The following PTPRN2 variants were observed in gnomAD, a reference collection of about 807,000 sequenced individuals.
PTPRN2 encodes protein tyrosine phosphatase receptor type N2.
A neutral mutation model predicts 118.8 loss-of-function variants in PTPRN2; 74 were observed. The observed-to-expected ratio is 0.62, with a 90% CI of 0.52 to 0.76. PTPRN2 has a LOEUF of 0.76. PTPRN2 is among the 30% of genes least tolerant of loss of function. The probability of loss-of-function intolerance (pLI) is 0.00; values close to 1 mark genes in which losing one functional copy is unlikely to be tolerated. For synonymous variants in PTPRN2, 641 were observed against 608.0 expected, an observed-to-expected ratio of 1.05 and a Z score of -0.80; for missense variants, 1,481 against 1,394.4, an observed-to-expected ratio of 1.06 and a Z score of -0.99.
chr7:157,705,034 G>A (rs544981527), intron 12 of PTPRN2, among the ~76,000 whole-genome samples: 32 of 152,330 alleles, frequency 2.1e-4, no homozygotes, highest in African/African-American at 7.5e-4. Flanking sequence ...TTGGCCGGGC[G>A]TGGTGGCTCA....
At chr7:157,819,970 G>A (rs1469614056) in intron 12 of PTPRN2, among the ~76,000 whole-genome samples, 1 of 148,188 alleles carries the variant, frequency 6.7e-6, no homozygotes, top group Non-Finnish European at 1.5e-5. Context: ...ACCCAAACAC[G>A]TTCACACGCA....
intron 11 of PTPRN2, among the ~76,000 whole-genome samples, chr7:158,071,735 G>A (rs1373918674): frequency 1.4e-5 from 2 of 138,938 alleles, no homozygotes; most frequent in Admixed American, 7.1e-5. Flanking sequence ...TGCTCGTGGT[G>A]GTGGAGGTGC....
intron 12 of PTPRN2, among the ~76,000 whole-genome samples, chr7:157,800,930 C>T (rs981291421): frequency 2.2e-4 from 34 of 151,170 alleles, no homozygotes; most frequent in Non-Finnish European, 4.0e-4. Flanking sequence ...CCAGCCTGGG[C>T]AACAGAGAGA....
At chr7:157,800,112 C>G (rs78307944) in intron 12 of PTPRN2, among the ~76,000 whole-genome samples, 5,856 of 149,796 alleles carry the variant, frequency 0.039, 378 homozygotes, top group African/African-American at 0.13. Context: ...GCACCACAGG[C>G]GGCCTCCTCC....
intron 3 of PTPRN2, among the ~76,000 whole-genome samples, chr7:158,208,502 T>G (rs998931494): frequency 6.6e-6 from 1 of 150,764 alleles, no homozygotes; most frequent in Admixed American, 6.6e-5. Context: ...GGGATTGTTA[T>G]TTAAAGTGTT....
chr7:157,757,483 C>T (rs947739785), intron 12 of PTPRN2, among the ~76,000 whole-genome samples: 4 of 152,054 alleles, frequency 2.6e-5, no homozygotes, highest in Non-Finnish European at 5.9e-5. Context: ...CGGGCAGGGC[C>T]GGGGCAACTG....
Position 157,845,048 on chromosome 7 carries a change from G to T in PTPRN2, c.1788+53625C>A, listed in dbSNP as rs1808701062. Among the ~76,000 whole-genome samples the T allele has an allele frequency of 6.6e-6, 1 of 152,134 alleles. No homozygotes were observed. Among genetic ancestry groups the T allele is most frequent in the Admixed American group, 6.5e-5 (1 of 15,268 alleles). ...ACACCTGCCTTATCTTCCAGGGTTTGCCCTTGGTGTAGAGATAGACAAAGG... is the reference window on the plus strand; with the variant it reads ...ACACCTGCCTTATCTTCCAGGGTTTTCCCTTGGTGTAGAGATAGACAAAGG... On this transcript the variant is annotated intron_variant, in intron 12 of 22. Coordinates refer to ENST00000389418, the MANE Select transcript of PTPRN2 (RefSeq NM_002847.5). The surrounding 1 kb of genome is among the most constrained non-coding windows in gnomAD (Gnocchi z 4.5).
intron 11 of PTPRN2, among the ~76,000 whole-genome samples, chr7:157,942,244 T>TCCACACGCACAGGGGTCC (rs1342861620): frequency 6.6e-6 from 1 of 150,676 alleles, no homozygotes; most frequent in Non-Finnish European, 1.5e-5. Context: ...CGGCACGCCT[T>TCCACACGCACAGGGGTCC]TCCAGAGGAG....
rs1826177736 is a variant in PTPRN2, at chr7:158,544,620, A to G, written c.112+42938T>C. Among the ~76,000 whole-genome samples, 1 of 152,120 alleles carries G rather than the reference A, an allele frequency of 6.6e-6. No individual in the cohort carries two copies. Among genetic ancestry groups the G allele is most frequent in the Non-Finnish European group, 1.5e-5 (1 of 68,014 alleles). ...ACCATTGTACTCCAGCCTGGGCAAC[A>G]AGAACCAAACTCTGTCTCAAAAAAA... On this transcript the variant is annotated intron_variant, in intron 1 of 22. Transcript: ENST00000389418. The surrounding 1 kb of genome is among the most constrained non-coding windows in gnomAD (Gnocchi z 4.2).
At chr7:157,593,718 C>T (rs1801128444) in intron 17 of PTPRN2, among the ~76,000 whole-genome samples, 1 of 152,142 alleles carries the variant, frequency 6.6e-6, no homozygotes, top group African/African-American at 2.4e-5. Context: ...CAGGTGTGTG[C>T]CATGCAAAGA....
chr7:157,545,805 G>A (rs1368165748), intron 22 of PTPRN2, among the ~76,000 whole-genome samples: 1 of 152,104 alleles, frequency 6.6e-6, no homozygotes, highest in Non-Finnish European at 1.5e-5. Flanking sequence ...CACCCTCGAC[G>A]GCTCGCTCTT....
chr7:158,552,253 C>G (rs1826705017), intron 1 of PTPRN2, among the ~76,000 whole-genome samples: 1 of 151,190 alleles, frequency 6.6e-6, no homozygotes, highest in Non-Finnish European at 1.5e-5. Flanking sequence ...TAACCCATTG[C>G]ATCAAGGTGG....
At chr7:157,853,958 C>T (rs1277008793) in intron 12 of PTPRN2, among the ~76,000 whole-genome samples, 1 of 152,170 alleles carries the variant, frequency 6.6e-6, no homozygotes, top group Non-Finnish European at 1.5e-5. Context: ...CGCGTGAAGA[C>T]GGAGACGGCA....
Position 158,188,507 on chromosome 7 carries a change from G to GT in PTPRN2, c.549+3819_549+3820insA, listed in dbSNP as rs569174338. ...GGGAAGGCCGCCACGCTCGCCCCCT[G>GT]ATGGGGAAGGCCGCCACGCTCGCCG... On this transcript the variant is annotated intron_variant, in intron 5 of 22. Transcript: ENST00000389418. Among the ~76,000 whole-genome samples, 4 of 35,996 alleles carry GT rather than the reference G, an allele frequency of 1.1e-4. 1 individual carries two copies. The highest frequency in any genetic ancestry group is 3.5e-4 in the African/African-American group (3 of 8,556). 23.6% of individuals were successfully genotyped at this position (35,996 alleles called of 152,430 possible).
At chr7:158,222,656 C>A (rs1244521608) in intron 3 of PTPRN2, among the ~76,000 whole-genome samples, 1 of 152,092 alleles carries the variant, frequency 6.6e-6, no homozygotes, top group African/African-American at 2.4e-5. Flanking sequence ...TGTTATCACA[C>A]CAAACTGTAA....
At position 157,622,453 on chromosome 7, in the gene PTPRN2, C is replaced by T. The variant is rs1024293966; in HGVS notation, c.2197-944G>A. 3.9e-5 allele frequency among the ~76,000 whole-genome samples: 6 copies of T among 152,124 alleles called. No homozygotes were observed. The highest frequency in any genetic ancestry group is 1.9e-4 in the East Asian group (1 of 5,172). The stretch of plus-strand genomic sequence containing the variant: ...CCCCTGACATCCCCTTCGATTGATC[C>T]GAGGAGCTGGGATGGTCCCTCCCTG... On this transcript the variant is annotated intron_variant, in intron 14 of 22. Coordinates refer to ENST00000389418, the MANE Select transcript of PTPRN2 (RefSeq NM_002847.5). The surrounding 1 kb of genome is among the most constrained non-coding windows in gnomAD (Gnocchi z 5.3).
chr7:158,203,961 T>C (rs957055539), intron 4 of PTPRN2, among the ~76,000 whole-genome samples: 1 of 152,030 alleles, frequency 6.6e-6, no homozygotes, highest in Non-Finnish European at 1.5e-5. Context: ...CGCCGCGTGC[T>C]GAAGTCGCAG....
chr7:158,415,993 C>T (rs1490849290), intron 2 of PTPRN2, among the ~76,000 whole-genome samples: 1 of 152,206 alleles, frequency 6.6e-6, no homozygotes, highest in Non-Finnish European at 1.5e-5. Flanking sequence ...CCACCACAGT[C>T]CTGTCTCTTC....
At chr7:158,332,355 C>G (rs112118845) in intron 2 of PTPRN2, among the ~76,000 whole-genome samples, 1 of 150,410 alleles carries the variant, frequency 6.6e-6, no homozygotes, top group African/African-American at 2.5e-5. Flanking sequence ...ACACTCACAC[C>G]CACACTCTCA....
Sources: allele counts gnomAD v4.1 joint callset (sites outside exome capture counted in the v4.1 genomes callset), GRCh38; gene constraint gnomAD v4.1.1; non-coding constraint Gnocchi (gnomAD v3.1); transcripts MANE v1.5; gene names NCBI Gene and HGNC (gene_info 2026-07-23, HGNC 2026-07-21).